Variants in GALNT18 observed in about 807,000 individuals in gnomAD.
GALNT18 encodes the protein GalNAc-transferase 18.
Under a neutral mutation model 69.5 loss-of-function variants are expected in GALNT18, and 44 were observed. The observed-to-expected ratio is 0.63, with a 90% CI of 0.50 to 0.81. The LOEUF is 0.81. GALNT18 is among the 40% of genes least tolerant of loss of function. The pLI is 0.00. For synonymous variants in GALNT18, 364 were observed against 318.2 expected (o/e 1.14, Z -1.53); for missense variants, 715 against 810.0 (o/e 0.88, Z 1.42).
intron 1 of GALNT18, among the ~76,000 whole-genome samples, chr11:11,490,234 AACAC>A (rs61477736): frequency 0.031 from 3,877 of 125,128 alleles, 97 homozygotes; most frequent in African/African-American, 0.068. Flanking sequence ...CTCTCTCTCT[AACAC>A]ACACACACAC....
intron 5 of GALNT18, among the ~76,000 whole-genome samples, chr11:11,374,960 G>T (rs993888411): frequency 6.6e-6 from 1 of 152,186 alleles, no homozygotes; most frequent in Non-Finnish European, 1.5e-5. Context: ...ATGTGAAAAT[G>T]TCATATTAAT....
intron 3 of GALNT18, among the ~76,000 whole-genome samples, chr11:11,424,095 AC>A (rs1430680130): frequency 6.6e-6 from 1 of 152,026 alleles, no homozygotes; most frequent in African/African-American, 2.4e-5. Flanking sequence ...AGCCTGGGAA[AC>A]CCTTCCTGGC....
At chr11:11,571,007 A>G (rs1433880345) in intron 1 of GALNT18, among the ~76,000 whole-genome samples, 1 of 152,164 alleles carries the variant, frequency 6.6e-6, no homozygotes, top group Non-Finnish European at 1.5e-5. Flanking sequence ...GGTTGAGCAC[A>G]CTGTGTGTGA....
At chr11:11,345,943 A>C (rs1326698933) in intron 6 of GALNT18, among the ~76,000 whole-genome samples, 9 of 152,190 alleles carry the variant, frequency 5.9e-5, no homozygotes, top group Admixed American at 5.9e-4. Flanking sequence ...CATCAGCACA[A>C]GGCTGGGTCC....
Position 11,421,994 on chromosome 11 carries a change from C to T in GALNT18, c.595+10627G>A, listed in dbSNP as rs575456969. On this transcript the variant is annotated intron_variant, in intron 3 of 10. Transcript: ENST00000227756. The surrounding 1 kb of genome is among the most constrained non-coding windows in gnomAD (Gnocchi z 5.6). Reference sequence around the variant, plus strand: ...TGAGAGGTAGGTTCAGAAATGGACACAGTTGAATCAGTTGAATCTGTCAGA... The same window carrying T: ...TGAGAGGTAGGTTCAGAAATGGACATAGTTGAATCAGTTGAATCTGTCAGA... Among the ~76,000 whole-genome samples the T allele has an allele frequency of 3.4e-4, 52 of 152,280 alleles. No individual in the cohort carries two copies. Among genetic ancestry groups the T allele is most frequent in the African/African-American group, 1.2e-3 (50 of 41,566 alleles).
rs371527476 is a variant in GALNT18, at chr11:11,435,236, G to A, written c.429-2449C>T. On this transcript the variant is annotated intron_variant, in intron 2 of 10. Coordinates refer to ENST00000227756, the MANE Select transcript of GALNT18 (RefSeq NM_198516.3). The surrounding 1 kb of genome is among the most constrained non-coding windows in gnomAD (Gnocchi z 4.4). The stretch of plus-strand genomic sequence containing the variant: ...ATTTCCAGGGTGTTCAGAGATGGGG[G>A]TTAACTACTTCCCCCTACTCTCTTC... 6.6e-6 allele frequency among the ~76,000 whole-genome samples: 1 copy of A among 152,096 alleles called. No individual in the cohort carries two copies. Among genetic ancestry groups the A allele is most frequent in the African/African-American group, 2.4e-5 (1 of 41,412 alleles).
In GALNT18 at chr11:11,432,838, C is replaced by G; in HGVS notation, c.429-51G>C. 1 of 1,574,454 alleles carries G rather than the reference C, an allele frequency of 6.4e-7. No homozygotes were observed. Among genetic ancestry groups the G allele is most frequent in the South Asian group, 1.2e-5 (1 of 86,584 alleles). On this transcript the variant is annotated intron_variant, in intron 2 of 10. Coordinates refer to ENST00000227756, the MANE Select transcript of GALNT18 (RefSeq NM_198516.3). This position sits in a 1 kb window ranked among gnomAD's most constrained non-coding sequence, Gnocchi z 5.8. ...ATTTGTGACTCAGCTGGAGTCATCT[C>G]AGGAGCTGACCCAGCCCATGTCCTG...
chr11:11,528,099 G>A (rs1439721664), intron 1 of GALNT18, among the ~76,000 whole-genome samples: 2 of 152,212 alleles, frequency 1.3e-5, no homozygotes, highest in African/African-American at 4.8e-5. Context: ...AAAGACAGCA[G>A]AGAGTAGGTG....
At position 11,590,724 on chromosome 11, in the gene GALNT18, T is replaced by A. The variant is rs549325924; in HGVS notation, c.235+30635A>T. 1.7e-4 allele frequency among the ~76,000 whole-genome samples: 26 copies of A among 152,250 alleles called. No individual in the cohort carries two copies. Among genetic ancestry groups the A allele is most frequent in the Admixed American group, 1.2e-3 (19 of 15,300 alleles). On this transcript the variant is annotated intron_variant, in intron 1 of 10. Coordinates refer to ENST00000227756, the MANE Select transcript of GALNT18 (RefSeq NM_198516.3). This position sits in a 1 kb window ranked among gnomAD's most constrained non-coding sequence, Gnocchi z 4.4. ...CATATACAATGGTGGTCCCGTAAGATTACAATGGAGCCCAAAAATTCCTAT... is the reference window on the plus strand; with the variant it reads ...CATATACAATGGTGGTCCCGTAAGAATACAATGGAGCCCAAAAATTCCTAT...
intron 1 of GALNT18, among the ~76,000 whole-genome samples, chr11:11,549,930 C>T (rs940466406): frequency 6.6e-6 from 1 of 152,200 alleles, no homozygotes; most frequent in African/African-American, 2.4e-5. Flanking sequence ...GGTTGATTTG[C>T]TTTCTCAAAA....
intron 5 of GALNT18, among the ~76,000 whole-genome samples, chr11:11,374,362 T>C (rs1452375389): frequency 6.6e-6 from 1 of 152,232 alleles, no homozygotes; most frequent in Non-Finnish European, 1.5e-5. Context: ...CTCTGGGACA[T>C]AACTGGCACT....
rs1173170783 is a variant in GALNT18 at position 11,583,448 on chromosome 11, A to C, written c.235+37911T>G. On this transcript the variant is annotated intron_variant, in intron 1 of 10. Transcript: ENST00000227756. This position sits in a 1 kb window ranked among gnomAD's most constrained non-coding sequence, Gnocchi z 4.7. ...AGAAATGTAGACTATCTGAATCCAT[A>C]GGTGAAAATAAAATCCACGGGGTAA... 6.6e-6 allele frequency among the ~76,000 whole-genome samples: 1 copy of C among 152,218 alleles called. No homozygotes were observed. The highest frequency in any genetic ancestry group is 1.5e-5 in the Non-Finnish European group (1 of 68,040).
At chr11:11,367,063 A>T (rs1195414802) in intron 6 of GALNT18, among the ~76,000 whole-genome samples, 3 of 152,190 alleles carry the variant, frequency 2.0e-5, no homozygotes, top group Non-Finnish European at 2.9e-5. Flanking sequence ...CCAAGGTCCA[A>T]AGTGGAGCCA....
intron 9 of GALNT18, among the ~76,000 whole-genome samples, chr11:11,294,614 A>G (rs12283958): frequency 2.9e-5 from 4 of 139,822 alleles, no homozygotes; most frequent in Admixed American, 2.1e-4. Flanking sequence ...TCCCAGAAAA[A>G]AAAAAAAAAA....
At chr11:11,536,986 T>C (rs1342103274) in intron 1 of GALNT18, among the ~76,000 whole-genome samples, 3 of 152,254 alleles carry the variant, frequency 2.0e-5, no homozygotes, top group African/African-American at 7.2e-5. Context: ...GTCCAGGCCA[T>C]CTCACGCAGT....
chr11:11,396,760 G>C lies in GALNT18; in HGVS notation c.596-17496C>G, dbSNP rs1854340966. Reference sequence around the variant, plus strand: ...ATCTCTAATCTGCAGTTGATGCTCTGACCAGATGGAGGGAGAGAGAGGCTG... The same window carrying C: ...ATCTCTAATCTGCAGTTGATGCTCTCACCAGATGGAGGGAGAGAGAGGCTG... On this transcript the variant is annotated intron_variant, in intron 3 of 10. Transcript: ENST00000227756. The surrounding 1 kb of genome is among the most constrained non-coding windows in gnomAD (Gnocchi z 5.2). 6.6e-6 allele frequency among the ~76,000 whole-genome samples: 1 copy of C among 152,122 alleles called. No homozygotes were observed. The highest frequency in any genetic ancestry group is 2.4e-5 in the African/African-American group (1 of 41,436).
intron 1 of GALNT18, among the ~76,000 whole-genome samples, chr11:11,554,158 G>C (rs774751839): frequency 6.6e-6 from 1 of 152,198 alleles, no homozygotes; most frequent in African/African-American, 2.4e-5. Flanking sequence ...AGACCAGTTA[G>C]TACCAAGCAC....
intron 6 of GALNT18, among the ~76,000 whole-genome samples, chr11:11,371,051 A>G (rs182825979): frequency 5.6e-4 from 85 of 152,344 alleles, no homozygotes; most frequent in Non-Finnish European, 2.9e-4. Flanking sequence ...TAGCTCCCCA[A>G]TAAGCCCACG....
intron 1 of GALNT18, among the ~76,000 whole-genome samples, chr11:11,574,873 C>T (rs999674758): frequency 2.6e-5 from 4 of 152,200 alleles, no homozygotes; most frequent in African/African-American, 4.8e-5. Flanking sequence ...CAACACTCCC[C>T]GGAGGCTAAA....
Sources: allele counts gnomAD v4.1 joint callset (sites outside exome capture counted in the v4.1 genomes callset), GRCh38; gene constraint gnomAD v4.1.1; non-coding constraint Gnocchi (gnomAD v3.1); transcripts MANE v1.5; gene names NCBI Gene and HGNC (gene_info 2026-07-23, HGNC 2026-07-21).